The following CFAP44 variants were observed in gnomAD, a reference collection of about 807,000 sequenced individuals.
The protein encoded by CFAP44 is cilia- and flagella-associated protein 44.
CFAP44 carries 134 observed loss-of-function variants against 216.2 expected under a neutral mutation model. The observed-to-expected ratio is 0.62, with a 90% CI of 0.54 to 0.72. CFAP44 has a LOEUF of 0.72. Among genes scored for constraint, CFAP44 ranks in the 30% least tolerant of loss-of-function variants. CFAP44 has a pLI of 0.00. For missense variants in CFAP44, 2,035 were observed against 2,182.1 expected, an observed-to-expected ratio of 0.93 and a Z score of 1.34; for synonymous variants, 700 against 727.6, an observed-to-expected ratio of 0.96 and a Z score of 0.61.
At chr3:113,291,772 G>A in intron 34 of CFAP44, 24 bp from the exon 35 acceptor site, 1 of 1,533,896 alleles carries the variant, frequency 6.5e-7, no homozygotes, top group Non-Finnish European at 8.7e-7. Context: ...ACAGCTCCCT[G>A]TTGAAGCATC....
chr3:113,371,881 G>GA (rs201328237), intron 18 of CFAP44, among the ~76,000 whole-genome samples: 3,816 of 151,962 alleles, frequency 0.025, 59 homozygotes, highest in East Asian at 0.052. Context: ...AAATTTACAG[G>GA]AAAAAAACAA....
At position 113,330,239 on chromosome 3, in the gene CFAP44, C is replaced by T. The variant is rs1232650115; in HGVS notation, c.4045G>A (p.Asp1349Asn). ...CTCTTCATAATTTCCAGCTCCACAT[C>T]CGTTGGCTCTGCTTTTTCAAATTCC... ...CLEFEKAEPT[D>N]VELEIMKRDE... Residue 1349 changes from aspartate to asparagine, a missense_variant, in exon 26 of 35, where the codon GAT (aspartate) becomes AAT (asparagine). Asp to Asn is a conservative substitution (Grantham distance 23). Coordinates refer to ENST00000393845, the MANE Select transcript of CFAP44 (RefSeq NM_001164496.2). 1 of 1,537,672 alleles carries T rather than the reference C, an allele frequency of 6.5e-7. No homozygotes were observed. Among genetic ancestry groups the T allele is most frequent in the African/African-American group, 1.4e-5 (1 of 73,160 alleles).
intron 32 of CFAP44, among the ~76,000 whole-genome samples, chr3:113,302,223 G>T (rs1203224256): frequency 6.6e-6 from 1 of 151,840 alleles, no homozygotes; most frequent in African/African-American, 2.4e-5. Context: ...GAATAATACT[G>T]CAGTGAACAT....
intron 28 of CFAP44, among the ~76,000 whole-genome samples, chr3:113,322,595 A>G (rs1351599630): frequency 6.6e-6 from 1 of 152,178 alleles, no homozygotes; most frequent in Non-Finnish European, 1.5e-5. Flanking sequence ...GAGGCTGGTG[A>G]GGCTATGGAG....
chr3:113,429,449 G>A (rs1042286234), intron 2 of CFAP44, among the ~76,000 whole-genome samples: 1 of 151,966 alleles, frequency 6.6e-6, no homozygotes, highest in African/African-American at 2.4e-5. Flanking sequence ...GCCGTGTTAT[G>A]CTTACTGTTT....
chr3:113,320,483 A>T (rs1238220168), intron 28 of CFAP44, among the ~76,000 whole-genome samples: 8 of 98,518 alleles, frequency 8.1e-5, no homozygotes, highest in East Asian at 5.9e-4. Flanking sequence ...GATATATATG[A>T]TATATAGATG....
chr3:113,426,767 A>C, intron 3 of CFAP44: 1 of 208,306 alleles, frequency 4.8e-6, no homozygotes, highest in Admixed American at 5.6e-5. Context: ...AAGTACTACT[A>C]CTGGCTGGAA....
In CFAP44 at chr3:113,330,514, G is replaced by A. The variant is rs1230575366; in HGVS notation, c.3770C>T (p.Pro1257Leu). The A allele has an allele frequency of 6.5e-7, 1 of 1,537,086 alleles. No homozygotes were observed. Among genetic ancestry groups the A allele is most frequent in the African/African-American group, 1.4e-5 (1 of 73,024 alleles). Residue 1257 changes from proline (P) to leucine (L), a missense_variant, in exon 26 of 35, where the codon CCT becomes CTT. This residue lies in a region of CFAP44 where 1,883 missense variants were observed against 2,023.7 expected (regional missense o/e 0.93). Transcript: ENST00000393845. ...TGGAACTTCTTCTGGGTGTATCTGA[G>A]GAATTTTGGGAATGGGTATGTGCTT... ...ISKHIPIPKIPQIHPEEVPEK... is the reference protein window; with the variant it reads ...ISKHIPIPKILQIHPEEVPEK...
intron 28 of CFAP44, among the ~76,000 whole-genome samples, chr3:113,308,576 A>AT (rs146706608): frequency 0.027 from 4,017 of 150,896 alleles, 67 homozygotes; most frequent in Middle Eastern, 0.058. Flanking sequence ...TCAGACAAAA[A>AT]TTTTTTTTTC....
chr3:113,425,564 A>G (rs1934936878), intron 4 of CFAP44, among the ~76,000 whole-genome samples: 1 of 152,246 alleles, frequency 6.6e-6, no homozygotes, highest in Admixed American at 6.5e-5. Context: ...ATATAATGTG[A>G]AAGTACTAAT....
rs1346484013 is a variant in CFAP44 at position 113,288,944 on chromosome 3, T to C, written c.*2613A>G. Reference sequence around the variant, plus strand: ...GACAGTTCAGAAGAGCCAAGTTATATGAACAATTGACCCACAAGTAACTCA... The same window carrying C: ...GACAGTTCAGAAGAGCCAAGTTATACGAACAATTGACCCACAAGTAACTCA... On this transcript the variant is annotated 3_prime_UTR_variant, in exon 35 of 35. Transcript: ENST00000393845. 2.0e-5 allele frequency: 3 copies of C among 152,236 alleles called. No individual in the cohort carries two copies. The highest frequency in any genetic ancestry group is 7.2e-5 in the African/African-American group (3 of 41,464). 9.4% of individuals were successfully genotyped at this position (152,236 alleles called of 1,614,324 possible). A position where few individuals can be genotyped will look rare whatever the true frequency, so the allele number is the denominator to read the frequency against.
rs1273619314 is a variant in CFAP44 at position 113,327,837 on chromosome 3, T to C, written c.4117-18A>G. 6.5e-7 allele frequency: 1 copy of C among 1,534,932 alleles called. No homozygotes were observed. Among genetic ancestry groups the C allele is most frequent in the Non-Finnish European group, 8.7e-7 (1 of 1,145,622 alleles). On this transcript the variant is annotated intron_variant, in intron 26 of 34. Coordinates refer to ENST00000393845, the MANE Select transcript of CFAP44 (RefSeq NM_001164496.2). The stretch of plus-strand genomic sequence containing the variant: ...TCTTTGATCTGAGATGGAAAAAATA[T>C]TTGCGGATACGTTAGAAGACTAGAT...
chr3:113,321,426 G>A (rs1950145358), intron 28 of CFAP44, among the ~76,000 whole-genome samples: 1 of 152,082 alleles, frequency 6.6e-6, no homozygotes, highest in African/African-American at 2.4e-5. Context: ...TACTGAATAG[G>A]CAAAAGCTGG....
At chr3:113,360,417 G>T in intron 21 of CFAP44, 1 of 232,246 alleles carries the variant, frequency 4.3e-6, no homozygotes. Flanking sequence ...GACAGTATTG[G>T]ATCTCATGGG....
chr3:113,371,624 A>C (rs1396886819), intron 18 of CFAP44, among the ~76,000 whole-genome samples: 1 of 152,178 alleles, frequency 6.6e-6, no homozygotes, highest in Non-Finnish European at 1.5e-5. Flanking sequence ...AGCCATAAAA[A>C]CTCTAGAAGA....
chr3:113,403,816 C>T (rs927960675), intron 9 of CFAP44, 36 bp downstream of exon 9: 20 of 1,594,380 alleles, frequency 1.3e-5, no homozygotes, highest in Non-Finnish European at 1.5e-5. Flanking sequence ...AAGTCTTAAA[C>T]GTGGGTGCTA....
intron 21 of CFAP44, among the ~76,000 whole-genome samples, chr3:113,361,896 T>C (rs1950544938): frequency 6.6e-6 from 1 of 151,868 alleles, no homozygotes; most frequent in Non-Finnish European, 1.5e-5. Flanking sequence ...TTTATTAATA[T>C]AATAGCAACA....
chr3:113,423,105 CTTTTTTTTTTT>C (rs72395986), intron 4 of CFAP44, among the ~76,000 whole-genome samples: 1 of 79,156 alleles, frequency 1.3e-5, no homozygotes, highest in East Asian at 4.1e-4. Flanking sequence ...CTGATCCTTC[CTTTTTTTTTTT>C]TTTTTTTTTT....
At chr3:113,341,440 A>C (rs1160545390) in intron 24 of CFAP44, among the ~76,000 whole-genome samples, 1 of 152,246 alleles carries the variant, frequency 6.6e-6, no homozygotes, top group Non-Finnish European at 1.5e-5. Context: ...ATACAGGAGA[A>C]TATGTTTATA....
Sources: gnomAD v4.1 joint callset for allele counts (sites outside exome capture counted in the v4.1 genomes callset) on GRCh38, gnomAD v4.1.1 for gene constraint, gnomAD v4.1.1 regional missense constraint, MANE v1.5 for transcripts, NCBI Gene and HGNC (gene_info 2026-07-23, HGNC 2026-07-21) for gene names.